Variants in CNTLN observed in about 807,000 individuals in gnomAD.
CNTLN encodes the protein centlein, centrosomal protein.
Under a neutral mutation model 180.0 loss-of-function variants are expected in CNTLN, and 212 were observed. That is an observed-to-expected ratio of 1.18 (90% confidence interval 1.05 to 1.32). The LOEUF (loss-of-function observed/expected upper bound fraction) is 1.32, where lower values mean the gene tolerates loss of function less well. Ranked by LOEUF, CNTLN falls within the 40% of genes most tolerant of loss-of-function variation. CNTLN has a pLI of 0.00. For synonymous variants in CNTLN, 722 were observed against 563.1 expected (o/e 1.28, Z -3.99); for missense variants, 2,095 against 1,610.9 (o/e 1.30, Z -5.14).
chr9:17,162,533 G>A (rs144339600), intron 2 of CNTLN, among the ~76,000 whole-genome samples: 1 of 152,194 alleles, frequency 6.6e-6, no homozygotes, highest in East Asian at 1.9e-4. Flanking sequence ...GATACACTAA[G>A]CTTTGTTGGT....
chr9:17,412,065 A>G (rs1168847895), intron 16 of CNTLN, among the ~76,000 whole-genome samples: 1 of 151,666 alleles, frequency 6.6e-6, no homozygotes, highest in Non-Finnish European at 1.5e-5. Context: ...GGGAACATTA[A>G]CTAAGTCCCC....
At chr9:17,352,887 A>G (rs2133308161) in intron 12 of CNTLN, among the ~76,000 whole-genome samples, 1 of 152,332 alleles carries the variant, frequency 6.6e-6, no homozygotes, top group Admixed American at 6.5e-5. Context: ...CTGTGTCAAA[A>G]GTTCATTACT....
At chr9:17,475,086 T>C (rs1488572169) in intron 23 of CNTLN, among the ~76,000 whole-genome samples, 2 of 152,206 alleles carry the variant, frequency 1.3e-5, no homozygotes, top group Non-Finnish European at 2.9e-5. Context: ...TTTTGAACAC[T>C]GCAGGCCCTC....
intron 7 of CNTLN, chr9:17,299,420 A>G (rs921675137): frequency 3.1e-6 from 3 of 966,688 alleles, no homozygotes; most frequent in East Asian, 2.3e-4. Context: ...TTATCCCTCT[A>G]GAATTACTGG....
the CNTLN span, among the ~76,000 whole-genome samples, chr9:17,522,865 C>G: frequency 6.6e-6 from 1 of 151,668 alleles, no homozygotes; most frequent in African/African-American, 2.4e-5. Flanking sequence ...ACAAAATTCT[C>G]TTGATTCCTG....
chr9:17,363,383 T>C (rs1823557751), intron 12 of CNTLN, among the ~76,000 whole-genome samples: 1 of 152,138 alleles, frequency 6.6e-6, no homozygotes, highest in African/African-American at 2.4e-5. Context: ...CTCCAGCATC[T>C]CTTGTTTCCC....
chr9:17,265,302 G>A (rs1474081333), intron 5 of CNTLN, among the ~76,000 whole-genome samples: 1 of 152,088 alleles, frequency 6.6e-6, no homozygotes, highest in East Asian at 1.9e-4. Flanking sequence ...AGATAATCAT[G>A]TGGTTTTTGT....
At chr9:17,295,802 C>T (rs1817859526) in intron 6 of CNTLN, among the ~76,000 whole-genome samples, 1 of 151,908 alleles carries the variant, frequency 6.6e-6, no homozygotes, top group Admixed American at 6.6e-5. Context: ...TTGTGTGGGG[C>T]GATAGAAATA....
the CNTLN span, among the ~76,000 whole-genome samples, chr9:17,511,447 A>G: frequency 2.0e-5 from 3 of 152,182 alleles, no homozygotes; most frequent in Non-Finnish European, 2.9e-5. Context: ...ACAAGGCTGC[A>G]GTCATCGCAA....
At chr9:17,397,036 C>T (rs1826582266) in intron 15 of CNTLN, among the ~76,000 whole-genome samples, 1 of 152,202 alleles carries the variant, frequency 6.6e-6, no homozygotes. Context: ...CTAGTGCTAG[C>T]TACTAATTCT....
chr9:17,339,422 C>T (rs1821300962), intron 10 of CNTLN, among the ~76,000 whole-genome samples: 1 of 152,176 alleles, frequency 6.6e-6, no homozygotes, highest in African/African-American at 2.4e-5. Context: ...AGGGCTGGGG[C>T]CCCACCACCT....
At chr9:17,416,843 A>G (rs961790453) in intron 18 of CNTLN, among the ~76,000 whole-genome samples, 2 of 152,144 alleles carry the variant, frequency 1.3e-5, no homozygotes, top group African/African-American at 4.8e-5. Context: ...TGCTTGTGTA[A>G]TGAATGATTT....
At chr9:17,500,256 T>A (rs1431018503) in intron 25 of CNTLN, among the ~76,000 whole-genome samples, 2 of 152,106 alleles carry the variant, frequency 1.3e-5, no homozygotes, top group African/African-American at 4.8e-5. Context: ...ATAAAGGGAG[T>A]TGGTAATAAA....
the CNTLN span, among the ~76,000 whole-genome samples, chr9:17,511,432 C>A: frequency 1.3e-5 from 2 of 152,146 alleles, no homozygotes; most frequent in Non-Finnish European, 2.9e-5. Flanking sequence ...GACACTGGAT[C>A]TCTCACAAGG....
intron 8 of CNTLN, among the ~76,000 whole-genome samples, chr9:17,326,464 A>G (rs1422435626): frequency 2.0e-5 from 3 of 152,088 alleles, no homozygotes; most frequent in Admixed American, 6.5e-5. Flanking sequence ...GGTTAAAGAT[A>G]TGTAAGGATA....
chr9:17,273,915 A>C (rs767561722), intron 6 of CNTLN, 49 bp downstream of exon 6: 8 of 1,326,442 alleles, frequency 6.0e-6, no homozygotes, highest in Non-Finnish European at 8.3e-6. Flanking sequence ...GTCATTAGTT[A>C]TTCAGAATGA....
chr9:17,342,243 T>A, intron 11 of CNTLN, 82 bp from the exon 12 acceptor site: 1 of 1,393,434 alleles, frequency 7.2e-7, no homozygotes, highest in Non-Finnish European at 9.9e-7. Context: ...ATAGATATTT[T>A]TAAATTTTAA....
rs944950428 is a variant in CNTLN at position 17,288,242 on chromosome 9, T to C, written c.984-9948T>C. Among the ~76,000 whole-genome samples the C allele has an allele frequency of 5.9e-4, 72 of 121,640 alleles. 8 individuals are homozygous for C. Among genetic ancestry groups the C allele is most frequent in the Non-Finnish European group, 1.1e-3 (65 of 61,094 alleles). The allele number at this position is 121,640 out of a possible 152,430, so 79.8% of individuals were successfully genotyped here. ...TCGTTGGTTTCAAAGAACATCTTTA[T>C]TGCTGCCTTCATTTCATTATGTACC... On this transcript the variant is annotated intron_variant, in intron 6 of 25. Transcript: ENST00000380647.
chr9:17,475,968 C>G (rs1305433202), intron 23 of CNTLN, among the ~76,000 whole-genome samples: 3 of 151,188 alleles, frequency 2.0e-5, no homozygotes. Context: ...TTCTCAGATG[C>G]TGTGTTTTTT....
Sources: allele counts gnomAD v4.1 joint callset (sites outside exome capture counted in the v4.1 genomes callset), GRCh38; gene constraint gnomAD v4.1.1; transcripts MANE v1.5; gene names NCBI Gene and HGNC (gene_info 2026-07-23, HGNC 2026-07-21).